LPGAT1: variants seen among roughly 807,000 people sequenced by gnomAD.
The protein encoded by LPGAT1 is lysophosphatidylglycerol acyltransferase 1, also known as acyl-CoA:lysophosphatidylglycerol acyltransferase 1.
LPGAT1 carries 11 observed loss-of-function variants against 47.5 expected under a neutral mutation model. That is an observed-to-expected ratio of 0.23 (90% CI 0.15 to 0.38). The LOEUF is 0.38. Ranked by LOEUF, LPGAT1 falls within the 10% of genes least tolerant of loss-of-function variation. The pLI, the probability that LPGAT1 is intolerant of heterozygous loss-of-function variation, is 1.00. For missense variants in LPGAT1, 293 were observed against 439.0 expected (o/e 0.67, Z 2.97); for synonymous variants, 138 against 144.2 (o/e 0.96, Z 0.31).
intron 2 of LPGAT1, among the ~76,000 whole-genome samples, chr1:211,800,464 A>T (rs1177257970): frequency 6.6e-6 from 1 of 152,210 alleles, no homozygotes; most frequent in Non-Finnish European, 1.5e-5. Context: ...ATATCATTAA[A>T]ATCAGAAACA....
At position 211,743,830 on chromosome 1, in the gene LPGAT1, G is replaced by C. The variant is rs1203504821; in HGVS notation, c.*6069C>G. The stretch of plus-strand genomic sequence containing the variant: ...AATACAGATAGAAAAATAAGAGGTA[G>C]ACACGACTGTAACGATTTAACTCAT... On this transcript the variant is annotated 3_prime_UTR_variant, in exon 8 of 8. Transcript: ENST00000366997. 1 of 152,098 alleles carries C rather than the reference G, an allele frequency of 6.6e-6. No homozygotes were observed. Among genetic ancestry groups the C allele is most frequent in the Non-Finnish European group, 1.5e-5 (1 of 68,020 alleles). 9.4% of individuals were successfully genotyped at this position (152,098 alleles called of 1,614,324 possible).
At chr1:211,798,794 T>C (rs918088017) in intron 2 of LPGAT1, among the ~76,000 whole-genome samples, 1 of 152,204 alleles carries the variant, frequency 6.6e-6, no homozygotes, top group African/African-American at 2.4e-5. Flanking sequence ...CAGTCCAGGT[T>C]TGAGGCAGAC....
intron 2 of LPGAT1, among the ~76,000 whole-genome samples, chr1:211,820,684 G>GA (rs1226671297): frequency 2.6e-5 from 4 of 151,872 alleles, no homozygotes; most frequent in African/African-American, 9.7e-5. Context: ...AGGATTAAAG[G>GA]AAAAATAACA....
intron 6 of LPGAT1, among the ~76,000 whole-genome samples, chr1:211,768,446 C>T (rs578259152): frequency 2.0e-4 from 30 of 152,352 alleles, no homozygotes; most frequent in African/African-American, 7.2e-4. Flanking sequence ...TGAGCTCTAA[C>T]CACATGGCAG....
intron 6 of LPGAT1, among the ~76,000 whole-genome samples, chr1:211,778,363 A>AAAAC (rs1558264343): frequency 3.0e-5 from 4 of 133,950 alleles, no homozygotes; most frequent in Non-Finnish European, 4.8e-5. Context: ...AAAAAAAAAA[A>AAAAC]AAAAAAAAAA....
intron 1 of LPGAT1, chr1:211,829,614 T>C (rs1235704664): frequency 8.5e-7 from 1 of 1,177,304 alleles, no homozygotes; most frequent in Non-Finnish European, 1.1e-6. Flanking sequence ...CCCCGCACCG[T>C]GTCTCACTGC....
At chr1:211,810,758 A>T (rs1659958675) in intron 2 of LPGAT1, among the ~76,000 whole-genome samples, 1 of 152,236 alleles carries the variant, frequency 6.6e-6, no homozygotes, top group African/African-American at 2.4e-5. Flanking sequence ...TGAAATATGA[A>T]GGGAAGAGAT....
Position 211,829,255 on chromosome 1 carries a change from G to C in LPGAT1, c.42C>G (p.Leu14=). The C allele has an allele frequency of 1.2e-6, 2 of 1,614,174 alleles. No homozygotes were observed. The highest frequency in any genetic ancestry group is 8.5e-7 in the Non-Finnish European group (1 of 1,180,042). ...TLEEAPWLGW[L]LVKALMRFAF... is the part of the protein sequence containing the mutation. ...CAAACCTCATCAGTGCTTTCACCAAGAGCCAGCCCAGCCACGGAGCTTCTT... is the reference window on the plus strand; with the variant it reads ...CAAACCTCATCAGTGCTTTCACCAACAGCCAGCCCAGCCACGGAGCTTCTT... The change falls in exon 2 of 8, where the codon CTC becomes CTG. Residue 14 remains leucine, a synonymous_variant. Coordinates refer to ENST00000366997, the MANE Select transcript of LPGAT1 (RefSeq NM_014873.3).
intron 3 of LPGAT1, among the ~76,000 whole-genome samples, chr1:211,791,761 A>T (rs4951428): frequency 7.8e-6 from 1 of 128,066 alleles, no homozygotes; most frequent in African/African-American, 2.8e-5. Flanking sequence ...AAAAAAAAAA[A>T]AAAACAAACA....
chr1:211,777,438 G>A (rs1368503518), intron 6 of LPGAT1, among the ~76,000 whole-genome samples: 1 of 151,984 alleles, frequency 6.6e-6, no homozygotes, highest in African/African-American at 2.4e-5. Flanking sequence ...CTTTCACATG[G>A]AAACATAGTA....
At chr1:211,774,132 C>CTTTTTTT (rs67342051) in intron 6 of LPGAT1, among the ~76,000 whole-genome samples, 20,773 of 66,012 alleles carry the variant, frequency 0.31, 6,854 homozygotes, top group African/African-American at 0.34. Context: ...TTTTAAAAGT[C>CTTTTTTT]TTTTTTTTTT....
chr1:211,767,621 T>C (rs909359337), intron 6 of LPGAT1, among the ~76,000 whole-genome samples: 3 of 152,058 alleles, frequency 2.0e-5, no homozygotes, highest in Non-Finnish European at 4.4e-5. Flanking sequence ...GCGAAAAACA[T>C]ACAGACTTCT....
chr1:211,787,350 C>T (rs1658921679), intron 4 of LPGAT1, among the ~76,000 whole-genome samples: 1 of 151,810 alleles, frequency 6.6e-6, no homozygotes, highest in Non-Finnish European at 1.5e-5. Flanking sequence ...ATTAGCTGGG[C>T]GTAGTGGCAT....
chr1:211,811,535 C>T (rs2102588113), intron 2 of LPGAT1, among the ~76,000 whole-genome samples: 1 of 152,212 alleles, frequency 6.6e-6, no homozygotes, highest in Admixed American at 6.5e-5. Context: ...GGTGGGTGGA[C>T]TACTTGAGGC....
intron 6 of LPGAT1, among the ~76,000 whole-genome samples, chr1:211,755,127 G>A (rs1160305346): frequency 6.7e-6 from 1 of 149,458 alleles, no homozygotes; most frequent in Non-Finnish European, 1.5e-5. Flanking sequence ...CACGAGGTCA[G>A]GAGATTGAGA....
At chr1:211,800,190 CTAAT>C (rs2102568039) in intron 2 of LPGAT1, among the ~76,000 whole-genome samples, 1 of 132,580 alleles carries the variant, frequency 7.5e-6, no homozygotes, top group East Asian at 2.0e-4. Flanking sequence ...ATGTGTCCAG[CTAAT>C]TTTTTTTTTT....
At position 211,830,487 on chromosome 1, in the gene LPGAT1, C is replaced by G. The variant is rs1009366404; in HGVS notation, c.-28+86G>C. 3 of 1,190,114 alleles carry G rather than the reference C, an allele frequency of 2.5e-6. No homozygotes were observed. The African/African-American group carries it at 4.8e-5, about 19-fold the overall frequency. The allele number at this position is 1,190,114 out of a possible 1,614,324, so 73.7% of individuals were successfully genotyped here. On this transcript the variant is annotated intron_variant, in intron 1 of 7. Transcript: ENST00000366997. The surrounding 1 kb of genome is among the most constrained non-coding windows in gnomAD (Gnocchi z 5.9). ...GCCGCCTCCCCGGGCCACGCGACGACGACACCCCCTTCCCCGCCCCCAGCG... is the reference window on the plus strand; with the variant it reads ...GCCGCCTCCCCGGGCCACGCGACGAGGACACCCCCTTCCCCGCCCCCAGCG...
chr1:211,822,769 C>T (rs1660407096), intron 2 of LPGAT1, among the ~76,000 whole-genome samples: 1 of 73,944 alleles, frequency 1.4e-5, no homozygotes, highest in Admixed American at 1.7e-4. Flanking sequence ...CAGAGCAAGA[C>T]TTCATCTCAA....
chr1:211,802,253 CT>C (rs1291494907), intron 2 of LPGAT1, among the ~76,000 whole-genome samples: 1 of 151,998 alleles, frequency 6.6e-6, no homozygotes, highest in Non-Finnish European at 1.5e-5. Context: ...ATCAATCTGT[CT>C]TTTGTTAGCC....
Sources: gnomAD v4.1 joint callset for allele counts (sites outside exome capture counted in the v4.1 genomes callset) on GRCh38, gnomAD v4.1.1 for gene constraint, Gnocchi (gnomAD v3.1) non-coding constraint, MANE v1.5 for transcripts, NCBI Gene and HGNC (gene_info 2026-07-23, HGNC 2026-07-21) for gene names.